The following CSMD3 variants were observed in gnomAD, a reference collection of about 807,000 sequenced individuals.
CSMD3 encodes CUB and Sushi multiple domains 3, also known as CUB and sushi domain-containing protein 3.
Under a neutral mutation model 435.2 loss-of-function variants are expected in CSMD3, and 177 were observed. The observed-to-expected ratio is 0.41, with a 90% CI of 0.36 to 0.46. The LOEUF is 0.46. CSMD3 is among the 20% of genes least tolerant of loss of function. The pLI is 0.34. For synonymous variants in CSMD3, 1,656 were observed against 1,520.5 expected, an observed-to-expected ratio of 1.09 and a Z score of -2.07; for missense variants, 4,265 against 4,504.6, an observed-to-expected ratio of 0.95 and a Z score of 1.52.
intron 10 of CSMD3, among the ~76,000 whole-genome samples, chr8:112,878,029 A>C (rs1464837443): frequency 6.6e-6 from 1 of 152,174 alleles, no homozygotes; most frequent in African/African-American, 2.4e-5. Flanking sequence ...ATGAGTAAAC[A>C]CCAAAAGCAA....
intron 2 of CSMD3, among the ~76,000 whole-genome samples, chr8:113,293,333 A>G (rs1229605490): frequency 6.6e-6 from 1 of 151,862 alleles, no homozygotes; most frequent in Non-Finnish European, 1.5e-5. Context: ...TTAGAAACTG[A>G]GAAGTGGAGA....
At chr8:113,051,940 C>T (rs2088112048) in intron 5 of CSMD3, among the ~76,000 whole-genome samples, 1 of 151,924 alleles carries the variant, frequency 6.6e-6, no homozygotes, top group African/African-American at 2.4e-5. Flanking sequence ...TCAAAACTTA[C>T]CTTCACTTTT....
chr8:112,809,910 A>T (rs1366310921), intron 12 of CSMD3, among the ~76,000 whole-genome samples: 1 of 152,208 alleles, frequency 6.6e-6, no homozygotes, highest in Non-Finnish European at 1.5e-5. Flanking sequence ...TGAAGGAGGT[A>T]GCACCTGTCT....
chr8:112,391,258 C>T (rs181810103), intron 35 of CSMD3, among the ~76,000 whole-genome samples: 5 of 152,158 alleles, frequency 3.3e-5, no homozygotes, highest in South Asian at 2.1e-4. Flanking sequence ...CTACTATATG[C>T]GAGGCACCCT....
intron 2 of CSMD3, among the ~76,000 whole-genome samples, chr8:113,288,346 T>C (rs1344489674): frequency 2.0e-5 from 3 of 151,902 alleles, no homozygotes; most frequent in African/African-American, 7.2e-5. Context: ...AAAGATACCA[T>C]GTTTCCAGAA....
intron 27 of CSMD3, among the ~76,000 whole-genome samples, chr8:112,542,240 G>A (rs1826739352): frequency 6.9e-6 from 1 of 144,378 alleles, no homozygotes; most frequent in Admixed American, 7.0e-5. Context: ...TTTCCTCCAA[G>A]ATCAGGAATA....
intron 10 of CSMD3, among the ~76,000 whole-genome samples, chr8:112,871,171 C>T (rs750107550): frequency 1.3e-5 from 2 of 152,054 alleles, no homozygotes; most frequent in Non-Finnish European, 2.9e-5. Context: ...AAAAGCATCC[C>T]CAAGTTGGCA....
At chr8:113,402,602 A>G (rs553835937) in intron 1 of CSMD3, among the ~76,000 whole-genome samples, 2 of 151,270 alleles carry the variant, frequency 1.3e-5, no homozygotes, top group Non-Finnish European at 3.0e-5. Context: ...AATCTTATTT[A>G]ATATCATCAT....
chr8:112,860,666 G>A (rs1186262196), intron 10 of CSMD3, among the ~76,000 whole-genome samples: 3 of 151,578 alleles, frequency 2.0e-5, no homozygotes, highest in African/African-American at 7.3e-5. Flanking sequence ...TATCTCAGCA[G>A]TAATGCAAAA....
At chr8:113,283,866 G>A (rs1588439247) in intron 2 of CSMD3, among the ~76,000 whole-genome samples, 1 of 152,000 alleles carries the variant, frequency 6.6e-6, no homozygotes, top group Admixed American at 6.6e-5. Context: ...AAGAAACTGC[G>A]ATATACACAT....
At chr8:113,320,602 A>G (rs905851053) in intron 1 of CSMD3, among the ~76,000 whole-genome samples, 7 of 152,034 alleles carry the variant, frequency 4.6e-5, no homozygotes, top group Admixed American at 1.3e-4. Context: ...ATTACTCATG[A>G]CCTTTCCATT....
Position 112,350,668 on chromosome 8 carries a change from G to A in CSMD3, c.6325+507C>T, listed in dbSNP as rs1307402140. ...CATGAATAGAAGTAATTTGGAAGCA[G>A]CATTGAGTTAAAGCAAAAATGTGCA... On this transcript the variant is annotated intron_variant, in intron 40 of 70. Transcript: ENST00000297405. Among the ~76,000 whole-genome samples the A allele has an allele frequency of 2.6e-5, 4 of 152,114 alleles. No individual in the cohort carries two copies. In the South Asian group the frequency reaches 8.3e-4, roughly 32 times the overall value.
At chr8:113,216,547 A>T (rs2092908469) in intron 3 of CSMD3, among the ~76,000 whole-genome samples, 1 of 151,968 alleles carries the variant, frequency 6.6e-6, no homozygotes, top group African/African-American at 2.4e-5. Context: ...AATGTTAAAT[A>T]TGAAAAGGTA....
rs149374175 is a variant in CSMD3, at chr8:112,337,384, C to T, written c.6841+159G>A. Among the ~76,000 whole-genome samples, 106 of 152,130 alleles carry T rather than the reference C, an allele frequency of 7.0e-4. 1 individual carries two copies. In the East Asian group the frequency reaches 8.3e-3, roughly 12 times the overall value. ...GGACTCCTGCCAATAATGATAAAAT[C>T]GTTATTCATTATAGAGCCTTAGGGG... On this transcript the variant is annotated intron_variant, in intron 43 of 70. Coordinates refer to ENST00000297405, the MANE Select transcript of CSMD3 (RefSeq NM_198123.2).
intron 23 of CSMD3, among the ~76,000 whole-genome samples, chr8:112,575,708 A>G (rs2131310314): frequency 6.6e-6 from 1 of 152,270 alleles, no homozygotes; most frequent in Non-Finnish European, 1.5e-5. Flanking sequence ...GTTTGATTAC[A>G]TAACATTCAA....
chr8:112,846,539 A>C (rs1466734230), intron 11 of CSMD3, among the ~76,000 whole-genome samples: 1 of 151,822 alleles, frequency 6.6e-6, no homozygotes, highest in Non-Finnish European at 1.5e-5. Context: ...AGTAACTGGG[A>C]CTAAAGACAT....
chr8:112,367,524 C>T (rs73700669), intron 38 of CSMD3, among the ~76,000 whole-genome samples: 4,969 of 152,250 alleles, frequency 0.033, 269 homozygotes, highest in African/African-American at 0.11. Context: ...GAATCATCCT[C>T]TACTCCTTTT....
At chr8:112,449,960 C>A (rs748505941) in intron 32 of CSMD3, among the ~76,000 whole-genome samples, 3 of 152,102 alleles carry the variant, frequency 2.0e-5, no homozygotes, top group Non-Finnish European at 4.4e-5. Flanking sequence ...CTGACCTCAG[C>A]TTATCCACCC....
Position 112,296,639 on chromosome 8 carries a change from A to C in CSMD3, c.8441-633T>G, listed in dbSNP as rs1044274050. On this transcript the variant is annotated intron_variant, in intron 53 of 70. Transcript: ENST00000297405. ...GCATTACTTATTAAAGAAATTAATA[A>C]GTTTCAGTGCTTTTAGTAGAAGAAA... Among the ~76,000 whole-genome samples, 14 of 152,178 alleles carry C rather than the reference A, an allele frequency of 9.2e-5. No homozygotes were observed. The East Asian group carries it at 1.7e-3, about 19-fold the overall frequency.
Sources: allele counts gnomAD v4.1 joint callset (sites outside exome capture counted in the v4.1 genomes callset), GRCh38; gene constraint gnomAD v4.1.1; transcripts MANE v1.5; gene names NCBI Gene and HGNC (gene_info 2026-07-23, HGNC 2026-07-21).